NCKAP5: variants seen among roughly 807,000 people sequenced by gnomAD.
NCKAP5 encodes the protein nck-associated protein 5.
A neutral mutation model predicts 167.0 loss-of-function variants in NCKAP5; 92 were observed. That is an observed-to-expected ratio of 0.55 (90% confidence interval 0.47 to 0.66). The LOEUF (loss-of-function observed/expected upper bound fraction) is 0.66. Among genes scored for constraint, NCKAP5 ranks in the 30% least tolerant of loss-of-function variants. The probability of loss-of-function intolerance (pLI) is 0.00; values close to 1 mark genes in which losing one functional copy is unlikely to be tolerated. For missense variants in NCKAP5, 2,378 were observed against 2,315.0 expected, an observed-to-expected ratio of 1.03 and a Z score of -0.56; for synonymous variants, 891 against 877.4, an observed-to-expected ratio of 1.02 and a Z score of -0.27.
chr2:132,799,171 T>C (rs1179692909), intron 11 of NCKAP5, among the ~76,000 whole-genome samples: 1 of 152,036 alleles, frequency 6.6e-6, no homozygotes, highest in Non-Finnish European at 1.5e-5. Context: ...ATACTGCATG[T>C]TCTCACTTAT....
rs914091647 is a variant in NCKAP5 at position 133,437,912 on chromosome 2, T to C, written c.69+79546A>G. Among the ~76,000 whole-genome samples, 5 of 151,784 alleles carry C rather than the reference T, an allele frequency of 3.3e-5. No homozygotes were observed. In the South Asian group the frequency reaches 1.0e-3, roughly 31 times the overall value. Reference sequence around the variant, plus strand: ...AAAGCTCTGAATAGAGTAGCCCTTATTATTTTATCTATTTTACTTGTTGAA... The same window carrying C: ...AAAGCTCTGAATAGAGTAGCCCTTACTATTTTATCTATTTTACTTGTTGAA... On this transcript the variant is annotated intron_variant, in intron 3 of 19. Transcript: ENST00000409261.
At chr2:133,106,084 G>C (rs1341085021) in intron 6 of NCKAP5, among the ~76,000 whole-genome samples, 1 of 151,872 alleles carries the variant, frequency 6.6e-6, no homozygotes, top group Non-Finnish European at 1.5e-5. Flanking sequence ...ATGAGGTCAG[G>C]AGATGGAGAC....
rs1289081878 is a variant in NCKAP5 at position 132,782,189 on chromosome 2, C to T, written c.4622G>A (p.Gly1541Glu). ...TGATTTTAGTTGTCTGTTTCCAAAC[C>T]CCAAGACTTTTGCATCTTTCTTTTC... Reference protein sequence around the residue: ...KVEKKDAKVLGFGNRQLKSER... With the variant: ...KVEKKDAKVLEFGNRQLKSER... The change falls in exon 14 of 20, where the codon GGG (glycine) becomes GAG (glutamate). Residue 1541 changes from glycine (G) to glutamate (E), a missense_variant. Physicochemically the swap from Gly to Glu is moderately conservative, Grantham distance 98 (BLOSUM62 -2). Around this residue, in one of 3 missense-constraint regions of NCKAP5, gnomAD observed 1,325 missense variants for 1,274.5 expected, o/e 1.04. Coordinates refer to ENST00000409261, the MANE Select transcript of NCKAP5 (RefSeq NM_207363.3). 3 of 1,613,244 alleles carry T rather than the reference C, an allele frequency of 1.9e-6. No individual in the cohort carries two copies. In the African/African-American group the frequency reaches 4.0e-5, roughly 22 times the overall value.
At chr2:133,157,199 T>C (rs143296772) in intron 5 of NCKAP5, among the ~76,000 whole-genome samples, 141 of 152,318 alleles carry the variant, frequency 9.3e-4, no homozygotes, top group Non-Finnish European at 1.7e-3. Flanking sequence ...ATATCTTATC[T>C]TTCAAATCAG....
At chr2:133,097,974 A>G (rs2149667464) in intron 6 of NCKAP5, among the ~76,000 whole-genome samples, 1 of 152,316 alleles carries the variant, frequency 6.6e-6, no homozygotes, top group South Asian at 2.1e-4. Flanking sequence ...GATGGCAGGC[A>G]CCTGAAAAGT....
intron 3 of NCKAP5, among the ~76,000 whole-genome samples, chr2:133,397,276 A>T (rs749194061): frequency 6.6e-6 from 1 of 152,146 alleles, no homozygotes; most frequent in Non-Finnish European, 1.5e-5. Flanking sequence ...ATCTAAATCA[A>T]TCTTTCTTAT....
intron 11 of NCKAP5, among the ~76,000 whole-genome samples, chr2:132,856,530 T>C (rs991127409): frequency 1.3e-5 from 2 of 152,166 alleles, no homozygotes; most frequent in Non-Finnish European, 2.9e-5. Flanking sequence ...CTTCCTAACT[T>C]GGCCTAAGGA....
intron 11 of NCKAP5, among the ~76,000 whole-genome samples, chr2:132,838,586 T>C (rs1339570264): frequency 1.3e-5 from 2 of 152,154 alleles, no homozygotes; most frequent in African/African-American, 4.8e-5. Context: ...GAGCTGAGAT[T>C]ACACCACTGC....
chr2:133,487,691 G>A (rs1309338358), intron 3 of NCKAP5, among the ~76,000 whole-genome samples: 1 of 152,122 alleles, frequency 6.6e-6, no homozygotes, highest in Non-Finnish European at 1.5e-5. Context: ...GAGGAAAAAA[G>A]AAACACACCC....
intron 6 of NCKAP5, among the ~76,000 whole-genome samples, chr2:133,057,639 A>C (rs112380541): frequency 1.5e-3 from 226 of 152,320 alleles, no homozygotes; most frequent in African/African-American, 4.8e-3. Context: ...TTGCAGAAGA[A>C]AAGTTTGAAG....
At chr2:132,742,300 A>C (rs1223747286) in intron 16 of NCKAP5, among the ~76,000 whole-genome samples, 1 of 152,000 alleles carries the variant, frequency 6.6e-6, no homozygotes, top group Non-Finnish European at 1.5e-5. Context: ...ATCTGCCTTG[A>C]TAAGACACAT....
chr2:133,361,822 G>A (rs1398078332), intron 3 of NCKAP5, among the ~76,000 whole-genome samples: 5 of 152,142 alleles, frequency 3.3e-5, no homozygotes, highest in African/African-American at 1.2e-4. Context: ...TCTAGCAAAT[G>A]TCTTAGCAAA....
chr2:132,985,650 C>T (rs937787648), intron 7 of NCKAP5, among the ~76,000 whole-genome samples: 1 of 152,170 alleles, frequency 6.6e-6, no homozygotes, highest in Admixed American at 6.5e-5. Flanking sequence ...GTTATATGAA[C>T]AGTGGATGCC....
intron 3 of NCKAP5, among the ~76,000 whole-genome samples, chr2:133,359,183 G>A (rs947635856): frequency 9.9e-5 from 15 of 152,236 alleles, no homozygotes; most frequent in Admixed American, 3.3e-4. Flanking sequence ...CAGATATTGC[G>A]GCTCCCAGTC....
In NCKAP5 at chr2:133,416,638, A is replaced by T. The variant is rs187184522; in HGVS notation, c.69+100820T>A. Among the ~76,000 whole-genome samples the T allele has an allele frequency of 2.6e-5, 4 of 152,104 alleles. No individual in the cohort carries two copies. The East Asian group carries it at 7.7e-4, about 29-fold the overall frequency. On this transcript the variant is annotated intron_variant, in intron 3 of 19. Transcript: ENST00000409261. ...AATGCTCAACTTGGCATTGGAAATA[A>T]TCTGCTTTGGCATTATGCAAAAAAA...
intron 6 of NCKAP5, among the ~76,000 whole-genome samples, chr2:133,104,447 T>C (rs1397639432): frequency 6.6e-6 from 1 of 152,226 alleles, no homozygotes; most frequent in Non-Finnish European, 1.5e-5. Flanking sequence ...CCAAATTCCT[T>C]AATGAAGCCA....
chr2:132,706,389 T>C (rs1440148873), intron 19 of NCKAP5, among the ~76,000 whole-genome samples: 2 of 152,156 alleles, frequency 1.3e-5, no homozygotes, highest in African/African-American at 4.8e-5. Context: ...GAGATTTAGG[T>C]TTAGTACTGG....
chr2:133,045,630 T>C (rs1202327810), intron 6 of NCKAP5, among the ~76,000 whole-genome samples: 1 of 152,170 alleles, frequency 6.6e-6, no homozygotes, highest in Admixed American at 6.6e-5. Flanking sequence ...ACCCTCTGTA[T>C]GCTAAGTTTT....
At chr2:132,803,657 G>T (rs1013216440) in intron 11 of NCKAP5, among the ~76,000 whole-genome samples, 4 of 152,178 alleles carry the variant, frequency 2.6e-5, no homozygotes, top group African/African-American at 2.4e-5. Context: ...GTGCCCCAAG[G>T]CCCACAGGGT....
Sources: gnomAD v4.1 joint callset for allele counts (sites outside exome capture counted in the v4.1 genomes callset) on GRCh38, gnomAD v4.1.1 for gene constraint, gnomAD v4.1.1 regional missense constraint, MANE v1.5 for transcripts, NCBI Gene and HGNC (gene_info 2026-07-23, HGNC 2026-07-21) for gene names.